SCFD2: variants seen among roughly 807,000 people sequenced by gnomAD.
SCFD2 encodes sec1 family domain-containing protein 2.
A neutral mutation model predicts 58.9 loss-of-function variants in SCFD2; 54 were observed. The observed-to-expected ratio is 0.92, with a 90% CI of 0.74 to 1.15. The LOEUF (loss-of-function observed/expected upper bound fraction) is 1.15. SCFD2 is among the 50% of genes most tolerant of loss of function. The pLI, the probability that SCFD2 is intolerant of heterozygous loss-of-function variation, is 0.00. For synonymous variants in SCFD2, 321 were observed against 335.9 expected, an observed-to-expected ratio of 0.96 and a Z score of 0.49; for missense variants, 805 against 836.6, an observed-to-expected ratio of 0.96 and a Z score of 0.47.
chr4:52,884,216 T>C (rs1466077260), intron 8 of SCFD2, among the ~76,000 whole-genome samples: 1 of 152,080 alleles, frequency 6.6e-6, no homozygotes, highest in Non-Finnish European at 1.5e-5. Flanking sequence ...TTGCCCAGTA[T>C]AGATGGGGAT....
chr4:53,223,908 G>A (rs772486066), intron 4 of SCFD2, among the ~76,000 whole-genome samples: 2 of 152,082 alleles, frequency 1.3e-5, no homozygotes, highest in Non-Finnish European at 2.9e-5. Context: ...TAGATACTAC[G>A]AAACACAAAG....
chr4:53,129,015 G>A (rs1405251871), intron 5 of SCFD2, among the ~76,000 whole-genome samples: 8 of 152,106 alleles, frequency 5.3e-5, no homozygotes, highest in Non-Finnish European at 1.5e-5. Context: ...CACAAATAAG[G>A]AAATAAAGAG....
chr4:53,318,555 C>T (rs1395424434), intron 2 of SCFD2, among the ~76,000 whole-genome samples: 1 of 152,054 alleles, frequency 6.6e-6, no homozygotes, highest in South Asian at 2.1e-4. Context: ...TTATAATATT[C>T]CTGAGAAAAA....
chr4:53,113,684 G>C (rs2148886438), intron 5 of SCFD2, among the ~76,000 whole-genome samples: 1 of 152,056 alleles, frequency 6.6e-6, no homozygotes, highest in East Asian at 1.9e-4. Flanking sequence ...GCCTCCACCA[G>C]GGCTTGTTCA....
chr4:53,064,588 G>A (rs1329536694), intron 5 of SCFD2, among the ~76,000 whole-genome samples: 2 of 152,124 alleles, frequency 1.3e-5, no homozygotes, highest in Admixed American at 1.3e-4. Flanking sequence ...ATCACTGAAG[G>A]TGTTTAAAAG....
intron 4 of SCFD2, among the ~76,000 whole-genome samples, chr4:53,217,733 G>A (rs1485718083): frequency 2.0e-5 from 3 of 152,062 alleles, no homozygotes; most frequent in Non-Finnish European, 2.9e-5. Context: ...GTTTCTTCAT[G>A]GTATCAATGG....
In SCFD2 at chr4:53,029,239, C is replaced by T. The variant is rs548949003; in HGVS notation, c.1562-108369G>A. Among the ~76,000 whole-genome samples the T allele has an allele frequency of 2.3e-4, 35 of 151,148 alleles. 1 individual carries two copies. The South Asian group carries it at 6.2e-3, about 27-fold the overall frequency. On this transcript the variant is annotated intron_variant, in intron 5 of 8. Transcript: ENST00000401642. ...AATCTTCATCTTTGGAAAAATCTTA[C>T]GAAAAAAAAAATTTAAACAAAGGTG...
chr4:53,264,208 T>G (rs1470665643), intron 4 of SCFD2, among the ~76,000 whole-genome samples: 1 of 152,154 alleles, frequency 6.6e-6, no homozygotes, highest in African/African-American at 2.4e-5. Context: ...GGCTGAGAAC[T>G]TCCCCAGACC....
intron 5 of SCFD2, among the ~76,000 whole-genome samples, chr4:52,954,437 G>A (rs767733694): frequency 1.3e-5 from 2 of 152,196 alleles, no homozygotes; most frequent in East Asian, 3.8e-4. Context: ...TGAGGAAGTC[G>A]GGCGGGTGGC....
At chr4:52,972,721 T>C (rs1721138494) in intron 5 of SCFD2, among the ~76,000 whole-genome samples, 2 of 152,218 alleles carry the variant, frequency 1.3e-5, no homozygotes, top group Admixed American at 1.3e-4. Flanking sequence ...TACATTCTTT[T>C]CAGCACCACA....
intron 4 of SCFD2, among the ~76,000 whole-genome samples, chr4:53,271,586 C>T (rs1048289211): frequency 6.6e-6 from 1 of 151,970 alleles, no homozygotes; most frequent in African/African-American, 2.4e-5. Flanking sequence ...CCTCAGCCTC[C>T]CGAGTAGCTG....
chr4:53,268,809 C>T (rs1001281728), intron 4 of SCFD2, among the ~76,000 whole-genome samples: 1 of 152,116 alleles, frequency 6.6e-6, no homozygotes, highest in Admixed American at 6.5e-5. Context: ...TGGGCTTGGC[C>T]ATGGCCTGGA....
intron 5 of SCFD2, among the ~76,000 whole-genome samples, chr4:52,992,611 G>A (rs1721640657): frequency 6.6e-6 from 1 of 151,692 alleles, no homozygotes; most frequent in African/African-American, 2.4e-5. Flanking sequence ...CCCATCGTCT[G>A]AGATGTGGGG....
chr4:53,239,065 G>A (rs1011184567), intron 4 of SCFD2, among the ~76,000 whole-genome samples: 3 of 151,410 alleles, frequency 2.0e-5, no homozygotes, highest in Non-Finnish European at 2.9e-5. Flanking sequence ...CTCCAGCCTG[G>A]GCACCATTGA....
At chr4:52,959,926 T>A (rs6855089) in intron 5 of SCFD2, among the ~76,000 whole-genome samples, 1 of 103,816 alleles carries the variant, frequency 9.6e-6, no homozygotes, top group African/African-American at 4.4e-5. Flanking sequence ...ACACACACAC[T>A]TGAATCACCT....
At chr4:53,219,522 G>C (rs1728981939) in intron 4 of SCFD2, among the ~76,000 whole-genome samples, 1 of 152,064 alleles carries the variant, frequency 6.6e-6, no homozygotes, top group African/African-American at 2.4e-5. Context: ...CGATTTTCCA[G>C]GTACCGTCCG....
intron 4 of SCFD2, among the ~76,000 whole-genome samples, chr4:53,178,199 T>C (rs1236236666): frequency 6.6e-6 from 1 of 152,160 alleles, no homozygotes; most frequent in Non-Finnish European, 1.5e-5. Context: ...GCAGACGGCC[T>C]CCTCAAGTGG....
chr4:52,960,255 C>T (rs1720813616), intron 5 of SCFD2, among the ~76,000 whole-genome samples: 1 of 152,186 alleles, frequency 6.6e-6, no homozygotes, highest in African/African-American at 2.4e-5. Context: ...AACCTCCTCA[C>T]CTGAGGCCTC....
At chr4:53,304,367 T>C (rs1056431444) in intron 3 of SCFD2, among the ~76,000 whole-genome samples, 3 of 152,154 alleles carry the variant, frequency 2.0e-5, no homozygotes, top group African/African-American at 7.2e-5. Context: ...AATTTGAACG[T>C]TGGCCTGTCT....
Sources: allele counts gnomAD v4.1 joint callset (sites outside exome capture counted in the v4.1 genomes callset), GRCh38; gene constraint gnomAD v4.1.1; transcripts MANE v1.5; gene names NCBI Gene and HGNC (gene_info 2026-07-23, HGNC 2026-07-21).